C12orf56: variants seen among roughly 807,000 people sequenced by gnomAD.
The protein encoded by C12orf56 is uncharacterized protein C12orf56.
C12orf56 carries 71 observed loss-of-function variants against 69.9 expected under a neutral mutation model. That is an observed-to-expected ratio of 1.02 (90% CI 0.84 to 1.24). C12orf56 has a LOEUF of 1.24. C12orf56 is among the 50% of genes most tolerant of loss of function. The pLI is 0.00. For missense variants in C12orf56, 732 were observed against 738.5 expected, an observed-to-expected ratio of 0.99 and a Z score of 0.10; for synonymous variants, 276 against 274.1, an observed-to-expected ratio of 1.01 and a Z score of -0.07.
At chr12:64,345,811 A>G (rs2039133300) in intron 2 of C12orf56, among the ~76,000 whole-genome samples, 1 of 152,184 alleles carries the variant, frequency 6.6e-6, no homozygotes, top group Non-Finnish European at 1.5e-5. Context: ...TCTACATAAT[A>G]CTTCATACAA....
In C12orf56 at chr12:64,318,826, C is replaced by T; in HGVS notation, c.643G>A (p.Val215Ile). 6.5e-7 allele frequency: 1 copy of T among 1,537,202 alleles called. No homozygotes were observed. The highest frequency in any genetic ancestry group is 8.7e-7 in the Non-Finnish European group (1 of 1,146,906). Residue 215 changes from valine to isoleucine, a missense_variant, in exon 4 of 13, where the codon GTC becomes ATC. Coordinates refer to ENST00000543942, the MANE Select transcript of C12orf56 (RefSeq NM_001170633.2). ...TTTGTTGTGCAAGATGGCTCGCTGA[C>T]AGCCTTGCCAGTTGTTGGTGCAGAC... Reference protein sequence around the residue: ...SQSAPTTGKAVSEPSCTTNTK... With the variant: ...SQSAPTTGKAISEPSCTTNTK...
chr12:64,287,367 C>CT (rs2038222362), intron 6 of C12orf56, among the ~76,000 whole-genome samples: 2 of 148,040 alleles, frequency 1.4e-5, no homozygotes, highest in African/African-American at 5.0e-5. Context: ...TTTTATTATA[C>CT]TTTAAGTTTT....
chr12:64,321,522 T>TG (rs1308346954), intron 3 of C12orf56, among the ~76,000 whole-genome samples: 2 of 152,030 alleles, frequency 1.3e-5, no homozygotes, highest in Non-Finnish European at 1.5e-5. Context: ...TTTGTAGAGA[T>TG]GGGGTCTCAC....
chr12:64,269,036 T>C (rs533654648), intron 12 of C12orf56, among the ~76,000 whole-genome samples: 1 of 151,594 alleles, frequency 6.6e-6, no homozygotes, highest in Admixed American at 6.6e-5. Flanking sequence ...CTCAGGAGGC[T>C]GAAGTGGAAG....
intron 1 of C12orf56, among the ~76,000 whole-genome samples, chr12:64,357,667 C>A (rs772142417): frequency 2.6e-5 from 4 of 151,982 alleles, no homozygotes; most frequent in African/African-American, 4.8e-5. Flanking sequence ...GAGGCCAAGG[C>A]AGGTGGATCA....
At chr12:64,342,350 G>C (rs1365576191) in intron 2 of C12orf56, among the ~76,000 whole-genome samples, 1 of 152,228 alleles carries the variant, frequency 6.6e-6, no homozygotes, top group South Asian at 2.1e-4. Context: ...CTGTGCTTCA[G>C]GGATGTCCGA....
At chr12:64,295,144 A>G (rs149187549) in intron 6 of C12orf56, among the ~76,000 whole-genome samples, 204 of 152,286 alleles carry the variant, frequency 1.3e-3, no homozygotes, top group African/African-American at 4.7e-3. Flanking sequence ...TGGCCTCCCA[A>G]TGTGCTGGGA....
chr12:64,357,922 A>AAAAAGG (rs1165391207), intron 1 of C12orf56, among the ~76,000 whole-genome samples: 2 of 152,044 alleles, frequency 1.3e-5, no homozygotes, highest in African/African-American at 2.4e-5. Context: ...AAAGAAAAAG[A>AAAAAGG]AAAAGAAATA....
intron 1 of C12orf56, among the ~76,000 whole-genome samples, chr12:64,381,661 A>T (rs1223206759): frequency 6.6e-6 from 1 of 152,208 alleles, no homozygotes; most frequent in Non-Finnish European, 1.5e-5. Context: ...TTGCAATGGT[A>T]GTTCCACCAA....
intron 2 of C12orf56, among the ~76,000 whole-genome samples, chr12:64,337,032 AG>A (rs1337248934): frequency 6.6e-6 from 1 of 152,230 alleles, no homozygotes; most frequent in Non-Finnish European, 1.5e-5. Flanking sequence ...AGGAAATGTG[AG>A]AAACAGGATT....
rs1235229097 is a variant in C12orf56, at chr12:64,341,689, G to A, written c.416-10657C>T. Among the ~76,000 whole-genome samples the A allele has an allele frequency of 4.6e-5, 7 of 152,122 alleles. No individual in the cohort carries two copies. In the East Asian group the frequency reaches 9.6e-4, roughly 21 times the overall value. On this transcript the variant is annotated intron_variant, in intron 2 of 12. Coordinates refer to ENST00000543942, the MANE Select transcript of C12orf56 (RefSeq NM_001170633.2). ...GTGCAGGATAGGCAAACCCATATCC[G>A]GAGTAAGTGTCTATTCTGATGAGGA...
chr12:64,352,119 T>G (rs563572201), intron 2 of C12orf56, among the ~76,000 whole-genome samples: 15 of 98,558 alleles, frequency 1.5e-4, no homozygotes, highest in South Asian at 3.5e-4. Context: ...TTTTTTTGTT[T>G]TTTTTTTTAC....
chr12:64,301,734 C>T (rs1284759576), intron 6 of C12orf56, among the ~76,000 whole-genome samples: 1 of 152,134 alleles, frequency 6.6e-6, no homozygotes, highest in Non-Finnish European at 1.5e-5. Context: ...ATCTGTATCT[C>T]GTTATTGGGC....
intron 8 of C12orf56, among the ~76,000 whole-genome samples, chr12:64,278,827 A>G (rs2038088496): frequency 1.3e-5 from 2 of 152,138 alleles, no homozygotes; most frequent in South Asian, 2.1e-4. Flanking sequence ...TAGATTCCAT[A>G]TATAAGTGAG....
intron 2 of C12orf56, among the ~76,000 whole-genome samples, chr12:64,337,937 CT>C (rs2039019206): frequency 6.6e-6 from 1 of 150,932 alleles, no homozygotes; most frequent in South Asian, 2.1e-4. Flanking sequence ...GGAGAACATT[CT>C]TTTTTCTTTT....
At chr12:64,346,980 ATT>A (rs71092960) in intron 2 of C12orf56, among the ~76,000 whole-genome samples, 3 of 149,236 alleles carry the variant, frequency 2.0e-5, no homozygotes, top group Non-Finnish European at 3.0e-5. Flanking sequence ...ATCTAGTTAC[ATT>A]TTTTTTTTTG....
At chr12:64,342,369 C>A (rs1003861496) in intron 2 of C12orf56, among the ~76,000 whole-genome samples, 2 of 152,202 alleles carry the variant, frequency 1.3e-5, no homozygotes, top group Non-Finnish European at 1.5e-5. Flanking sequence ...GAGAAAGAGG[C>A]CGTAGTGCTG....
intron 6 of C12orf56, among the ~76,000 whole-genome samples, chr12:64,298,645 C>T (rs1239838601): frequency 6.6e-6 from 1 of 152,112 alleles, no homozygotes; most frequent in Non-Finnish European, 1.5e-5. Context: ...GGAATCCTTT[C>T]CCCATTGCTT....
intron 1 of C12orf56, among the ~76,000 whole-genome samples, chr12:64,362,698 G>GA (rs2039414858): frequency 1.3e-5 from 2 of 151,950 alleles, no homozygotes; most frequent in Admixed American, 1.3e-4. Context: ...TCTCAAAAAA[G>GA]AAAAAGAAAG....
Sources: gnomAD v4.1 joint callset for allele counts (sites outside exome capture counted in the v4.1 genomes callset) on GRCh38, gnomAD v4.1.1 for gene constraint, MANE v1.5 for transcripts, NCBI Gene and HGNC (gene_info 2026-07-23, HGNC 2026-07-21) for gene names.